CFAP47: variants seen among roughly 807,000 people sequenced by gnomAD.
CFAP47 encodes the protein cilia and flagella associated protein 47, also known as cilia- and flagella-associated protein 47.
Under a neutral mutation model 148.1 loss-of-function variants are expected in CFAP47, and 29 were observed. The observed-to-expected ratio is 0.20, with a 90% CI of 0.15 to 0.27. CFAP47 has a LOEUF of 0.27. Ranked by LOEUF, CFAP47 falls within the 10% of genes least tolerant of loss-of-function variation. The probability of loss-of-function intolerance (pLI) is 1.00; values close to 1 mark genes in which losing one functional copy is unlikely to be tolerated. For synonymous variants in CFAP47, 664 were observed against 577.3 expected (o/e 1.15, Z -2.15); for missense variants, 1,872 against 1,697.5 (o/e 1.10, Z -1.81).
At chrX:36,320,211 A>C (rs1395290715) in intron 57 of CFAP47, among the ~76,000 whole-genome samples, 1 of 112,080 alleles carries the variant, frequency 8.9e-6, no homozygotes, top group Non-Finnish European at 1.9e-5. Flanking sequence ...GTTTCTTAAA[A>C]ATCTAACGCT....
intron 40 of CFAP47, among the ~76,000 whole-genome samples, chrX:36,183,335 GAAGA>G (rs1026836102): frequency 1.8e-5 from 2 of 110,832 alleles, no homozygotes; most frequent in Admixed American, 1.9e-4. Flanking sequence ...TAAAAATAAA[GAAGA>G]AAGGGGCCTC....
intron 63 of CFAP47, among the ~76,000 whole-genome samples, chrX:36,384,536 G>C (rs1942109774): frequency 9.0e-6 from 1 of 111,588 alleles, no homozygotes; most frequent in African/African-American, 3.3e-5. Flanking sequence ...AAGCCAAATA[G>C]ATTGCTTTCC....
rs190924861 is a variant in CFAP47, at chrX:36,079,322, A to G, written c.4691+5958A>G. Among the ~76,000 whole-genome samples, 44 of 112,013 alleles carry G rather than the reference A, an allele frequency of 3.9e-4. No homozygotes were observed. The East Asian group carries it at 0.012, about 32-fold the overall frequency. ...TCACTTTCAGGTACAGCAGTCAAAC[A>G]TAGATTTGGTCTTTTCACATAATTC... On this transcript the variant is annotated intron_variant, in intron 29 of 63. Coordinates refer to ENST00000378653, the MANE Select transcript of CFAP47 (RefSeq NM_001304548.2).
chrX:36,223,467 A>T (rs1555991077), intron 45 of CFAP47, among the ~76,000 whole-genome samples: 1 of 110,904 alleles, frequency 9.0e-6, no homozygotes, highest in Admixed American at 9.7e-5. Flanking sequence ...TTCATTCTTA[A>T]TTATTCATTT....
At position 36,031,322 on chromosome X, in the gene CFAP47, C is replaced by G. The variant is rs1415618250; in HGVS notation, c.3626C>G (p.Pro1209Arg). 3.5e-6 allele frequency: 1 copy of G among 288,697 alleles called. No homozygotes were observed. Among genetic ancestry groups the G allele is most frequent in the Non-Finnish European group, 6.0e-6 (1 of 165,499 alleles). The allele number at this position is 288,697 out of a possible 1,213,427, so 23.8% of individuals were successfully genotyped here. Reference sequence around the variant, plus strand: ...GAAATCCCTTTACATGAGATGAATCCTAATAACAAGGTCACAAAAACTCAG... The same window carrying G: ...GAAATCCCTTTACATGAGATGAATCGTAATAACAAGGTCACAAAAACTCAG... Reference protein sequence around the residue: ...VFEIPLHEMNPNNKVTKTQNL... With the variant: ...VFEIPLHEMNRNNKVTKTQNL... Residue 1209 changes from proline (P) to arginine (R), a missense_variant, in exon 23 of 64, where the codon CCT (proline) becomes CGT (arginine). Physicochemically the swap from Pro to Arg is moderately radical, Grantham distance 103. Transcript: ENST00000378653.
chrX:36,258,287 T>G (rs1423272864), intron 49 of CFAP47, among the ~76,000 whole-genome samples: 1 of 112,211 alleles, frequency 8.9e-6, no homozygotes, highest in African/African-American at 3.2e-5. Flanking sequence ...TTGAGAAATA[T>G]GAAGTTTTGT....
At chrX:36,369,378 A>G (rs1556020925) in intron 62 of CFAP47, among the ~76,000 whole-genome samples, 1 of 110,635 alleles carries the variant, frequency 9.0e-6, no homozygotes, top group Non-Finnish European at 1.9e-5. Flanking sequence ...ATAGATTTTG[A>G]TTTTCTTCTA....
At chrX:36,330,811 A>G (rs782274712) in intron 57 of CFAP47, among the ~76,000 whole-genome samples, 41 of 111,479 alleles carry the variant, frequency 3.7e-4, no homozygotes, top group African/African-American at 1.1e-3. Context: ...CCACCATCTA[A>G]AGCCAGCCCC....
intron 21 of CFAP47, among the ~76,000 whole-genome samples, chrX:36,012,544 C>A (rs780660578): frequency 1.8e-5 from 2 of 111,473 alleles, no homozygotes; most frequent in East Asian, 5.7e-4. Context: ...AAGCCGTCAT[C>A]CTCAGCAAAC....
chrX:36,049,509 C>CTT (rs1937507285), intron 26 of CFAP47, among the ~76,000 whole-genome samples: 3 of 109,705 alleles, frequency 2.7e-5, no homozygotes, highest in Admixed American at 9.9e-5. Flanking sequence ...CACACACACA[C>CTT]ACACACACAC....
rs1556022002 is a variant in CFAP47, at chrX:36,371,976, G to GTGTGTGTATATATACACACATGTGTATA, written c.9185+4862_9185+4863insACACACATGTGTATATGTGTGTATATAT. On this transcript the variant is annotated intron_variant, in intron 62 of 63. Transcript: ENST00000378653. Reference sequence around the variant, plus strand: ...TGTATATATACACACATGTGTATATGTGTGTGTATATATGTATGTGTATAT... The same window carrying GTGTGTGTATATATACACACATGTGTATA: ...TGTATATATACACACATGTGTATATGTGTGTGTATATATACACACATGTGTATATGTGTGTATATATGTATGTGTATAT... Among the ~76,000 whole-genome samples, 115 of 91,535 alleles carry GTGTGTGTATATATACACACATGTGTATA rather than the reference G, an allele frequency of 1.3e-3. 1 individual carries two copies. Among genetic ancestry groups the GTGTGTGTATATATACACACATGTGTATA allele is most frequent in the African/African-American group, 4.4e-3 (89 of 20,356 alleles). 79.5% of individuals were successfully genotyped at this position (91,535 alleles called of 115,157 possible).
rs1178889653 is a variant in CFAP47, at chrX:35,924,152, T to C, written c.250-1865T>C. 1.4e-4 allele frequency among the ~76,000 whole-genome samples: 14 copies of C among 96,844 alleles called. 1 individual carries two copies. The highest frequency in any genetic ancestry group is 5.7e-4 in the African/African-American group (13 of 22,755). 84.1% of individuals were successfully genotyped at this position (96,844 alleles called of 115,157 possible). A position where few individuals can be genotyped will look rare whatever the true frequency, so the allele number is the denominator to read the frequency against. On this transcript the variant is annotated intron_variant, in intron 1 of 63. Transcript: ENST00000378653. Reference sequence around the variant, plus strand: ...ATATGTATATGTGTACATGTATGCGTACATATATGTATATATGTACATGTA... The same window carrying C: ...ATATGTATATGTGTACATGTATGCGCACATATATGTATATATGTACATGTA...
chrX:36,017,199 G>C (rs1424192693), intron 22 of CFAP47, among the ~76,000 whole-genome samples: 1 of 111,961 alleles, frequency 8.9e-6, no homozygotes, highest in Non-Finnish European at 1.9e-5. Context: ...TTCCATGTTT[G>C]TTGCAGCACT....
chrX:36,319,261 C>G lies in CFAP47; in HGVS notation c.8397C>G (p.Ile2799Met). The G allele has an allele frequency of 8.9e-7, 1 of 1,127,184 alleles. No homozygotes were observed. The highest frequency in any genetic ancestry group is 1.2e-6 in the Non-Finnish European group (1 of 845,529). 92.9% of individuals were successfully genotyped at this position (1,127,184 alleles called of 1,213,427 possible). The change falls in exon 57 of 64, where the codon ATC becomes ATG. Residue 2799 changes from isoleucine (I) to methionine (M), a missense_variant. Transcript: ENST00000378653. The stretch of plus-strand genomic sequence containing the variant: ...TGGATCATTGCTGGGATAGCTTCAT[C>G]TATGAGAGTTCTGCCTTCAGATTTA... ...LVMDHCWDSFIYESSAFRFSS... is the reference protein window; with the variant it reads ...LVMDHCWDSFMYESSAFRFSS...
chrX:35,947,016 T>A (rs1936093828), intron 3 of CFAP47, among the ~76,000 whole-genome samples: 1 of 111,597 alleles, frequency 9.0e-6, no homozygotes, highest in Non-Finnish European at 1.9e-5. Flanking sequence ...TCATATGCCA[T>A]TTGATTTCAG....
intron 50 of CFAP47, among the ~76,000 whole-genome samples, chrX:36,284,336 T>C (rs1410697553): frequency 9.0e-6 from 1 of 111,545 alleles, no homozygotes; most frequent in Non-Finnish European, 1.9e-5. Flanking sequence ...TTCAACTGGG[T>C]CTTATTAATT....
chrX:36,069,843 G>A (rs1172918119), intron 27 of CFAP47, among the ~76,000 whole-genome samples: 1 of 111,883 alleles, frequency 8.9e-6, no homozygotes, highest in Non-Finnish European at 1.9e-5. Context: ...AATATATCAA[G>A]TATATCTAAA....
intron 63 of CFAP47, among the ~76,000 whole-genome samples, chrX:36,380,122 C>T (rs994885510): frequency 4.5e-5 from 5 of 111,850 alleles, no homozygotes; most frequent in Non-Finnish European, 9.4e-5. Context: ...AGCTTTCAGG[C>T]TAAATACAAC....
chrX:36,384,789 C>T lies in CFAP47; in HGVS notation c.9355-8C>T. 1 of 1,149,421 alleles carries T rather than the reference C, an allele frequency of 8.7e-7. No individual in the cohort carries two copies. Among genetic ancestry groups the T allele is most frequent in the Non-Finnish European group, 1.2e-6 (1 of 856,877 alleles). 94.7% of individuals were successfully genotyped at this position (1,149,421 alleles called of 1,213,427 possible). On this transcript the variant is annotated splice_polypyrimidine_tract_variant and splice_region_variant and intron_variant, in intron 63 of 63. Transcript: ENST00000378653. The stretch of plus-strand genomic sequence containing the variant: ...TTCAAATGAAAATTTCTCCCTCTTT[C>T]TATCCAGACAGAAGAAATGTACTGG...
Sources: gnomAD v4.1 joint callset for allele counts (sites outside exome capture counted in the v4.1 genomes callset) on GRCh38, gnomAD v4.1.1 for gene constraint, MANE v1.5 for transcripts, NCBI Gene and HGNC (gene_info 2026-07-23, HGNC 2026-07-21) for gene names.